OR2AJ1: variants seen among roughly 807,000 people sequenced by gnomAD.
OR2AJ1 encodes the protein olfactory receptor family 2 subfamily AJ member 1, also known as olfactory receptor 2AJ1.
For synonymous variants in OR2AJ1, 105 were observed against 60.3 expected (o/e 1.74, Z -3.44); for missense variants, 280 against 163.2 (o/e 1.72, Z -3.90).
chr1:247,933,557 A>G (rs1052735472), intron 1 of OR2AJ1, among the ~76,000 whole-genome samples, 190 bp from the exon 2 acceptor site: 2 of 152,194 alleles, frequency 1.3e-5, no homozygotes, highest in Admixed American at 6.5e-5. Context: ...ACTGAATATC[A>G]TCGATTATTT....
Position 247,934,892 on chromosome 1 carries a change from CTAAAAATGT to C in OR2AJ1, c.*138_*146del. 1.7e-6 allele frequency: 1 copy of C among 576,340 alleles called. No homozygotes were observed. Among genetic ancestry groups the C allele is most frequent in the Non-Finnish European group, 3.1e-6 (1 of 327,860 alleles). The allele number at this position is 576,340 out of a possible 1,614,324, so 35.7% of individuals were successfully genotyped here. ...GTGTTTGTGTTGTAAACACGTACCTCTAAAAATGTAGTGTTCCTTCTGTGGTACCAATTA... is the reference window on the plus strand; with the variant it reads ...GTGTTTGTGTTGTAAACACGTACCTCAGTGTTCCTTCTGTGGTACCAATTA... On this transcript the variant is annotated 3_prime_UTR_variant, in exon 2 of 2. Coordinates refer to ENST00000318244, the MANE Select transcript of OR2AJ1 (RefSeq NM_001355235.2).
At chr1:247,928,938 A>G (rs996172087) in intron 1 of OR2AJ1, among the ~76,000 whole-genome samples, 6 of 152,106 alleles carry the variant, frequency 3.9e-5, no homozygotes, top group African/African-American at 1.4e-4. Context: ...ACTAAAAATA[A>G]AAAAAATTAT....
In OR2AJ1 at chr1:247,933,982, T is replaced by G; in HGVS notation, c.214T>G (p.Leu72Val). The change falls in exon 2 of 2, where the codon TTG (leucine) becomes GTG (valine). Residue 72 changes from leucine to valine, a missense_variant. Transcript: ENST00000318244. Reference protein sequence around the residue: ...LLSHLSLMDILHVSNIVPKMV... With the variant: ...LLSHLSLMDIVHVSNIVPKMV... ...CAGCCATCTCTCCTTAATGGATATC[T>G]TGCATGTTTCCAACATCGTTCCCAA... is the stretch of plus-strand genomic sequence containing the variant. 1.4e-6 allele frequency: 1 copy of G among 717,664 alleles called. No individual in the cohort carries two copies. The highest frequency in any genetic ancestry group is 2.6e-6 in the Non-Finnish European group (1 of 385,116). 44.5% of individuals were successfully genotyped at this position (717,664 alleles called of 1,614,324 possible). A position where few individuals can be genotyped will look rare whatever the true frequency, so the allele number is the denominator to read the frequency against.
chr1:247,935,189 C>A lies in OR2AJ1; in HGVS notation c.*434C>A, dbSNP rs1434033189. On this transcript the variant is annotated 3_prime_UTR_variant, in exon 2 of 2. Coordinates refer to ENST00000318244, the MANE Select transcript of OR2AJ1 (RefSeq NM_001355235.2). Reference sequence around the variant, plus strand: ...TATTTAGTAAAATTTTACAGATACACATATATATGCACACACACATATATA... The same window carrying A: ...TATTTAGTAAAATTTTACAGATACAAATATATATGCACACACACATATATA... The A allele has an allele frequency of 1.2e-5, 2 of 165,344 alleles. No individual in the cohort carries two copies. Among genetic ancestry groups the A allele is most frequent in the Non-Finnish European group, 2.6e-5 (2 of 76,652 alleles). 10.2% of individuals were successfully genotyped at this position (165,344 alleles called of 1,614,324 possible).
chr1:247,933,153 A>G (rs888274385), intron 1 of OR2AJ1, among the ~76,000 whole-genome samples: 2 of 152,214 alleles, frequency 1.3e-5, no homozygotes, highest in Non-Finnish European at 2.9e-5. Flanking sequence ...TCCACAGTTC[A>G]TTCATTTCAT....
chr1:247,927,523 G>A (rs992885758), intron 1 of OR2AJ1, among the ~76,000 whole-genome samples: 6 of 32,300 alleles, frequency 1.9e-4, no homozygotes, highest in Non-Finnish European at 4.9e-4. Flanking sequence ...TGTGTGTTGG[G>A]AACATTGAAA....
intron 1 of OR2AJ1, among the ~76,000 whole-genome samples, chr1:247,930,545 G>T (rs1393493727): frequency 6.6e-6 from 1 of 152,104 alleles, no homozygotes; most frequent in African/African-American, 2.4e-5. Flanking sequence ...TGGAACATTT[G>T]CACAGTAAAC....
Position 247,934,555 on chromosome 1 carries a change from A to G in OR2AJ1, c.787A>G (p.Lys263Glu), listed in dbSNP as rs955437351. The G allele has an allele frequency of 2.8e-6, 2 of 717,574 alleles. No homozygotes were observed. Among genetic ancestry groups the G allele is most frequent in the African/African-American group, 3.5e-5 (2 of 57,244 alleles). 44.5% of individuals were successfully genotyped at this position (717,574 alleles called of 1,614,324 possible). A position where few individuals can be genotyped will look rare whatever the true frequency, so the allele number is the denominator to read the frequency against. The change falls in exon 2 of 2, where the codon AAA (lysine) becomes GAA (glutamate). Residue 263 changes from lysine (K) to glutamate (E), a missense_variant. By Grantham distance (56) the Lys-to-Glu change is moderately conservative. Transcript: ENST00000318244. The part of the protein sequence containing the change: ...GPFIFTYMRP[K>E]SYHTPGQDKF... ...ATTTATTTTTACATATATGAGACCT[A>G]AATCATACCACACTCCAGGCCAGGA... is the stretch of plus-strand genomic sequence containing the variant.
At position 247,933,985 on chromosome 1, in the gene OR2AJ1, C is replaced by T. The variant is rs1660183455; in HGVS notation, c.217C>T (p.His73Tyr). ...LSHLSLMDIL[H>Y]VSNIVPKMVT... Reference sequence around the variant, plus strand: ...CCATCTCTCCTTAATGGATATCTTGCATGTTTCCAACATCGTTCCCAAAAT... The same window carrying T: ...CCATCTCTCCTTAATGGATATCTTGTATGTTTCCAACATCGTTCCCAAAAT... The change falls in exon 2 of 2, where the codon CAT (histidine) becomes TAT (tyrosine). Residue 73 changes from histidine to tyrosine, a missense_variant. By Grantham distance (83) the His-to-Tyr change is moderately conservative (BLOSUM62 2). Coordinates refer to ENST00000318244, the MANE Select transcript of OR2AJ1 (RefSeq NM_001355235.2). The T allele has an allele frequency of 1.4e-6, 1 of 717,650 alleles. No individual in the cohort carries two copies. Among genetic ancestry groups the T allele is most frequent in the Non-Finnish European group, 2.6e-6 (1 of 385,114 alleles). 44.5% of individuals were successfully genotyped at this position (717,650 alleles called of 1,614,324 possible). A position where few individuals can be genotyped will look rare whatever the true frequency, so the allele number is the denominator to read the frequency against.
chr1:247,934,866 T>C lies in OR2AJ1; in HGVS notation c.*111T>C. The C allele has an allele frequency of 3.4e-6, 2 of 595,188 alleles. No individual in the cohort carries two copies. Among genetic ancestry groups the C allele is most frequent in the Non-Finnish European group, 5.9e-6 (2 of 337,176 alleles). The allele number at this position is 595,188 out of a possible 1,614,324, so 36.9% of individuals were successfully genotyped here. A position where few individuals can be genotyped will look rare whatever the true frequency, so the allele number is the denominator to read the frequency against. ...ACATTGTTAATAATAAACAATAATA[T>C]GTGTTTGTGTTGTAAACACGTACCT... is the stretch of plus-strand genomic sequence containing the variant. On this transcript the variant is annotated 3_prime_UTR_variant, in exon 2 of 2. Coordinates refer to ENST00000318244, the MANE Select transcript of OR2AJ1 (RefSeq NM_001355235.2).
chr1:247,926,693 G>T (rs1160736379), intron 1 of OR2AJ1, among the ~76,000 whole-genome samples: 1 of 152,126 alleles, frequency 6.6e-6, no homozygotes, highest in African/African-American at 2.4e-5. Context: ...GTTTCCTTTG[G>T]CAGTACTGGT....
chr1:247,934,295 ACTT>A lies in OR2AJ1; in HGVS notation c.533_535del (p.Phe178del). 3 of 736,538 alleles carry A rather than the reference ACTT, an allele frequency of 4.1e-6. No homozygotes were observed. The highest frequency in any genetic ancestry group is 1.4e-5 in the South Asian group (1 of 69,192). The allele number at this position is 736,538 out of a possible 1,614,324, so 45.6% of individuals were successfully genotyped here. A position where few individuals can be genotyped will look rare whatever the true frequency, so the allele number is the denominator to read the frequency against. On this transcript the variant is annotated inframe_deletion, in exon 2 of 2. Coordinates refer to ENST00000318244, the MANE Select transcript of OR2AJ1 (RefSeq NM_001355235.2). ...TTCTGTGGCTCTAGGGCAATTGATC[ACTT>A]CTTCTGTGAAGTCCCTGCCATGTTG...
In OR2AJ1 at chr1:247,934,369, G is replaced by T. The variant is rs755969331; in HGVS notation, c.601G>T (p.Val201Leu). 2 of 721,636 alleles carry T rather than the reference G, an allele frequency of 2.8e-6. No individual in the cohort carries two copies. The highest frequency in any genetic ancestry group is 5.2e-6 in the Non-Finnish European group (2 of 387,474). 44.7% of individuals were successfully genotyped at this position (721,636 alleles called of 1,614,324 possible). The change falls in exon 2 of 2, where the codon GTA becomes TTA. Residue 201 changes from valine (V) to leucine (L), a missense_variant. Transcript: ENST00000318244. Reference protein sequence around the residue: ...DTTRYERGVCVSAVIFLLIPF... With the variant: ...DTTRYERGVCLSAVIFLLIPF... ...AACACGCTATGAACGAGGGGTTTGT[G>T]TAAGTGCTGTGATCTTCCTGCTGAT...
chr1:247,933,935 A>G lies in OR2AJ1; in HGVS notation c.167A>G (p.His56Arg). 1 of 717,628 alleles carries G rather than the reference A, an allele frequency of 1.4e-6. No individual in the cohort carries two copies. Among genetic ancestry groups the G allele is most frequent in the South Asian group, 1.5e-5 (1 of 67,594 alleles). The allele number at this position is 717,628 out of a possible 1,614,324, so 44.5% of individuals were successfully genotyped here. ...CTCATTCGCAGTGACTCCCGACTCC[A>G]CACTCCAATGTATTTTCTGCTCAGC... ...ILLIRSDSRL[H>R]TPMYFLLSHL... The change falls in exon 2 of 2, where the codon CAC becomes CGC. Residue 56 changes from histidine to arginine, a missense_variant. Transcript: ENST00000318244.
intron 1 of OR2AJ1, among the ~76,000 whole-genome samples, chr1:247,932,996 A>G (rs1043081935): frequency 4.6e-5 from 7 of 152,244 alleles, no homozygotes; most frequent in African/African-American, 1.7e-4. Context: ...TATTTTTTAC[A>G]TTTAAAATAT....
intron 1 of OR2AJ1, among the ~76,000 whole-genome samples, chr1:247,929,462 T>C (rs1249732341): frequency 6.6e-6 from 1 of 152,084 alleles, no homozygotes; most frequent in Non-Finnish European, 1.5e-5. Context: ...ATATAACCCC[T>C]TACATGTGTA....
intron 1 of OR2AJ1, among the ~76,000 whole-genome samples, chr1:247,932,164 C>T (rs1321390181): frequency 6.6e-6 from 1 of 152,158 alleles, no homozygotes; most frequent in African/African-American, 2.4e-5. Context: ...CATGGTGAAA[C>T]CCCATTTCTA....
intron 1 of OR2AJ1, among the ~76,000 whole-genome samples, chr1:247,932,810 ACT>A (rs1660168696): frequency 6.6e-6 from 1 of 152,096 alleles, no homozygotes; most frequent in East Asian, 1.9e-4. Context: ...TGCACAAATA[ACT>A]CTTATGTAAA....
Position 247,934,004 on chromosome 1 carries a change from C to G in OR2AJ1, c.236C>G (p.Pro79Arg). 1.4e-6 allele frequency: 1 copy of G among 717,542 alleles called. No homozygotes were observed. Among genetic ancestry groups the G allele is most frequent in the African/African-American group, 1.7e-5 (1 of 57,366 alleles). The allele number at this position is 717,542 out of a possible 1,614,324, so 44.4% of individuals were successfully genotyped here. ...ATCTTGCATGTTTCCAACATCGTTC[C>G]CAAAATGGTCACTAACTTTCTGTCA... ...MDILHVSNIV[P>R]KMVTNFLSGS... The change falls in exon 2 of 2, where the codon CCC (proline) becomes CGC (arginine). Residue 79 changes from proline to arginine, a missense_variant. Transcript: ENST00000318244.
Sources: gnomAD v4.1 joint callset for allele counts (sites outside exome capture counted in the v4.1 genomes callset) on GRCh38, gnomAD v4.1.1 for gene constraint, MANE v1.5 for transcripts, NCBI Gene and HGNC (gene_info 2026-07-23, HGNC 2026-07-21) for gene names.